LYRM4: variants seen among roughly 807,000 people sequenced by gnomAD.
LYRM4 encodes LYR motif-containing protein 4.
A neutral mutation model predicts 11.7 loss-of-function variants in LYRM4; 9 were observed. The observed-to-expected ratio is 0.77, with a 90% CI of 0.46 to 1.34. The LOEUF (loss-of-function observed/expected upper bound fraction) is 1.34. Among genes scored for constraint, LYRM4 ranks in the 40% most tolerant of loss-of-function variants. LYRM4 has a pLI of 0.00. For synonymous variants in LYRM4, 42 were observed against 40.4 expected, an observed-to-expected ratio of 1.04 and a Z score of -0.15; for missense variants, 133 against 112.5, an observed-to-expected ratio of 1.18 and a Z score of -0.82.
Position 5,260,881 on chromosome 6 carries a change from G to A in LYRM4, c.-148C>T, listed in dbSNP as rs1765050328. The A allele has an allele frequency of 2.8e-6, 4 of 1,427,916 alleles. No homozygotes were observed. Among genetic ancestry groups the A allele is most frequent in the Admixed American group, 2.8e-5 (1 of 35,680 alleles). The allele number at this position is 1,427,916 out of a possible 1,614,324, so 88.5% of individuals were successfully genotyped here. On this transcript the variant is annotated 5_prime_UTR_variant, in exon 1 of 3. Transcript: ENST00000330636. ...AGCGGGCCGGGCCTAAGCCTAAGCG[G>A]GCAGCCCTGCGGATCGCGGACGGCG...
intron 1 of LYRM4, among the ~76,000 whole-genome samples, chr6:5,252,852 C>G (rs1050539200): frequency 6.6e-6 from 1 of 152,134 alleles, no homozygotes; most frequent in Non-Finnish European, 1.5e-5. Context: ...CTCACACATA[C>G]CTTGACATTT....
chr6:5,070,608 G>A, the LYRM4 span, among the ~76,000 whole-genome samples: 3 of 152,090 alleles, frequency 2.0e-5, no homozygotes, highest in African/African-American at 4.8e-5. Flanking sequence ...GGGTGCGGTG[G>A]TTTACACCTG....
intron 2 of LYRM4, among the ~76,000 whole-genome samples, chr6:5,112,367 TGAGC>T (rs142842282): frequency 6.6e-6 from 1 of 152,216 alleles, no homozygotes; most frequent in Non-Finnish European, 1.5e-5. Context: ...AGATCTGTGA[TGAGC>T]GAGCGAGCGA....
the LYRM4 span, chr6:5,085,495 A>G: frequency 6.5e-7 from 1 of 1,535,718 alleles, no homozygotes; most frequent in Non-Finnish European, 8.7e-7. Flanking sequence ...CATGGAGCCC[A>G]TAGGGGCGCG....
At chr6:5,235,368 A>G (rs61671595) in intron 1 of LYRM4, among the ~76,000 whole-genome samples, 7,450 of 152,266 alleles carry the variant, frequency 0.049, 593 homozygotes, top group African/African-American at 0.16. Flanking sequence ...ACAAAGACCC[A>G]CAAGCCGATT....
chr6:5,108,364 A>G, downstream of LYRM4: 1 of 881,604 alleles, frequency 1.1e-6, no homozygotes, highest in Non-Finnish European at 1.4e-6. Context: ...CCCAGATGAC[A>G]AGCAAGTTAT....
At chr6:5,100,313 A>G (rs1762460559), downstream of LYRM4, among the ~76,000 whole-genome samples, 1 of 152,096 alleles carries the variant, frequency 6.6e-6, no homozygotes, top group African/African-American at 2.4e-5. Context: ...GCCAGGACGT[A>G]TGGAGCCCTG....
At chr6:5,128,980 C>T (rs1455834471) in intron 2 of LYRM4, among the ~76,000 whole-genome samples, 3 of 152,194 alleles carry the variant, frequency 2.0e-5, no homozygotes, top group Non-Finnish European at 4.4e-5. Context: ...CTTACATATG[C>T]GCTTGCTCAA....
chr6:5,222,303 A>T (rs1364297095), intron 1 of LYRM4, among the ~76,000 whole-genome samples: 2 of 152,190 alleles, frequency 1.3e-5, no homozygotes, highest in African/African-American at 4.8e-5. Context: ...AAAACAAAAC[A>T]ATGAAAAAAG....
chr6:5,164,674 A>G (rs755072955), intron 2 of LYRM4, among the ~76,000 whole-genome samples: 15 of 152,296 alleles, frequency 9.8e-5, no homozygotes, highest in Non-Finnish European at 1.3e-4. Flanking sequence ...TCAGTATATA[A>G]AAATCCATAT....
chr6:5,090,748 T>C, the LYRM4 span, among the ~76,000 whole-genome samples: 38 of 152,350 alleles, frequency 2.5e-4, no homozygotes, highest in Middle Eastern at 6.8e-3. The surrounding 1 kb of genome is among the most constrained non-coding windows in gnomAD (Gnocchi z 4.8). Flanking sequence ...ACAGCCTTCC[T>C]GCTCAGTTCA....
At chr6:5,071,176 G>A in the LYRM4 span, among the ~76,000 whole-genome samples, 528 of 120,770 alleles carry the variant, frequency 4.4e-3, 3 homozygotes, top group African/African-American at 0.016. Context: ...GTGACAGGGC[G>A]AGACTCTGTC....
At chr6:5,213,324 C>T (rs944411613) in intron 2 of LYRM4, among the ~76,000 whole-genome samples, 4 of 152,072 alleles carry the variant, frequency 2.6e-5, no homozygotes, top group Admixed American at 6.5e-5. Flanking sequence ...TTATGGGACG[C>T]GGGGGTGGAG....
chr6:5,144,923 C>G (rs892446870), intron 2 of LYRM4, among the ~76,000 whole-genome samples: 1 of 152,238 alleles, frequency 6.6e-6, no homozygotes, highest in African/African-American at 2.4e-5. Context: ...ACATGGGAAG[C>G]AGGCGCAGGC....
chr6:5,131,098 A>T (rs192932191), intron 2 of LYRM4, among the ~76,000 whole-genome samples: 1 of 152,344 alleles, frequency 6.6e-6, no homozygotes. Flanking sequence ...TATACCGGGT[A>T]TATATGCGGG....
At chr6:5,080,452 C>G in the LYRM4 span, among the ~76,000 whole-genome samples, 1 of 152,204 alleles carries the variant, frequency 6.6e-6, no homozygotes, top group African/African-American at 2.4e-5. Flanking sequence ...TGCCAAATAT[C>G]TAATACAGGA....
At chr6:5,256,341 T>G (rs1764665246) in intron 1 of LYRM4, among the ~76,000 whole-genome samples, 1 of 151,276 alleles carries the variant, frequency 6.6e-6, no homozygotes, top group Non-Finnish European at 1.5e-5. Flanking sequence ...AATACAGAAA[T>G]TAGCCAGGCG....
At chr6:5,111,104 C>T (rs1252175496) in intron 2 of LYRM4, among the ~76,000 whole-genome samples, 2 of 152,156 alleles carry the variant, frequency 1.3e-5, no homozygotes, top group Non-Finnish European at 2.9e-5. Flanking sequence ...TGGCATTGTC[C>T]TCCACCCTGA....
chr6:5,245,114 ATATATATATATATAT>A (rs1422595942), intron 1 of LYRM4, among the ~76,000 whole-genome samples: 199 of 12,034 alleles, frequency 0.017, 17 homozygotes, highest in Non-Finnish European at 0.023. Context: ...AAAAAAAAAA[ATATATATATATATAT>A]ATATATATAT....
Sources: allele counts gnomAD v4.1 joint callset (sites outside exome capture counted in the v4.1 genomes callset), GRCh38; gene constraint gnomAD v4.1.1; non-coding constraint Gnocchi (gnomAD v3.1); transcripts MANE v1.5; gene names NCBI Gene and HGNC (gene_info 2026-07-23, HGNC 2026-07-21).